The following FRMD4A variants were observed in gnomAD, a reference collection of about 807,000 sequenced individuals.
The protein encoded by FRMD4A is FERM domain-containing protein 4A.
Under a neutral mutation model 129.1 loss-of-function variants are expected in FRMD4A, and 29 were observed. The ratio of observed to expected loss-of-function variants is 0.22; its 90% confidence interval spans 0.17 to 0.31. FRMD4A has a LOEUF of 0.31. FRMD4A is among the 10% of genes least tolerant of loss of function. The pLI is 1.00. For synonymous variants in FRMD4A, 634 were observed against 571.6 expected (o/e 1.11, Z -1.56); for missense variants, 1,272 against 1,375.8 (o/e 0.92, Z 1.19).
At chr10:14,220,346 C>CTCAT (rs1249146666) in intron 2 of FRMD4A, among the ~76,000 whole-genome samples, 4 of 152,160 alleles carry the variant, frequency 2.6e-5, no homozygotes, top group Non-Finnish European at 5.9e-5. Flanking sequence ...ATTTGTCATG[C>CTCAT]TCATTCAAAG....
intron 8 of FRMD4A, among the ~76,000 whole-genome samples, chr10:13,759,234 C>G (rs1402549447): frequency 6.6e-6 from 1 of 152,232 alleles, no homozygotes; most frequent in Non-Finnish European, 1.5e-5. Flanking sequence ...GCTGCGCTTA[C>G]AAACAAACTG....
intron 2 of FRMD4A, among the ~76,000 whole-genome samples, chr10:13,995,735 A>C (rs2095620194): frequency 6.6e-6 from 1 of 152,130 alleles, no homozygotes; most frequent in African/African-American, 2.4e-5. Context: ...TCAGGAAGCC[A>C]AGTTGACCAG....
intron 12 of FRMD4A, among the ~76,000 whole-genome samples, chr10:13,717,692 G>GTTTTTTT (rs35059886): frequency 4.2e-5 from 4 of 95,244 alleles, no homozygotes; most frequent in Admixed American, 1.4e-4. Context: ...TGTTGTTCTT[G>GTTTTTTT]TTTTTTTTTT....
At chr10:14,020,372 T>C (rs534132577) in intron 2 of FRMD4A, among the ~76,000 whole-genome samples, 1 of 152,034 alleles carries the variant, frequency 6.6e-6, no homozygotes, top group South Asian at 2.1e-4. Context: ...AGAAAAGAAG[T>C]GTCAATATGG....
intron 2 of FRMD4A, among the ~76,000 whole-genome samples, chr10:13,885,259 G>C (rs541330600): frequency 1.3e-5 from 2 of 152,292 alleles, no homozygotes; most frequent in African/African-American, 4.8e-5. Context: ...AGAGTTAGGC[G>C]TTTCACAGAT....
At chr10:14,240,042 C>T (rs1843985343) in intron 2 of FRMD4A, among the ~76,000 whole-genome samples, 1 of 152,022 alleles carries the variant, frequency 6.6e-6, no homozygotes, top group Non-Finnish European at 1.5e-5. Context: ...CAGGATGCTC[C>T]GAATGCATGC....
At position 13,737,947 on chromosome 10, in the gene FRMD4A, A is replaced by T; in HGVS notation, c.673-17T>A. The T allele has an allele frequency of 2.7e-6, 4 of 1,464,972 alleles. No individual in the cohort carries two copies. The highest frequency in any genetic ancestry group is 2.3e-5 in the South Asian group (2 of 87,878). The allele number at this position is 1,464,972 out of a possible 1,614,324, so 90.7% of individuals were successfully genotyped here. A position where few individuals can be genotyped will look rare whatever the true frequency, so the allele number is the denominator to read the frequency against. On this transcript the variant is annotated splice_polypyrimidine_tract_variant and intron_variant, in intron 11 of 24. Coordinates refer to ENST00000357447, the MANE Select transcript of FRMD4A (RefSeq NM_018027.5). ...CTGCTTGTCCTAGGATATCAAAAAA[A>T]GTTTGGGTGAATATGGGACTGGAGG...
chr10:14,085,587 C>T (rs1836221839), intron 2 of FRMD4A, among the ~76,000 whole-genome samples: 1 of 152,178 alleles, frequency 6.6e-6, no homozygotes, highest in Non-Finnish European at 1.5e-5. Flanking sequence ...ACTCAAAGCC[C>T]ATGGGGATGC....
At chr10:13,721,622 C>T (rs934708019) in intron 12 of FRMD4A, among the ~76,000 whole-genome samples, 1 of 152,192 alleles carries the variant, frequency 6.6e-6, no homozygotes, top group Non-Finnish European at 1.5e-5. Context: ...CCACTAGGGC[C>T]GTCTTCTCAC....
intron 2 of FRMD4A, among the ~76,000 whole-genome samples, chr10:14,242,745 G>T (rs1844093469): frequency 6.6e-6 from 1 of 152,220 alleles, no homozygotes. Flanking sequence ...CTTTTCATGG[G>T]GAGGTCAGAC....
chr10:14,087,553 G>A (rs1385171872), intron 2 of FRMD4A: 1 of 152,076 alleles, frequency 6.6e-6, no homozygotes, highest in Admixed American at 6.6e-5. Flanking sequence ...CAGAGCCAGT[G>A]TGTGCGGCTG....
chr10:14,136,688 G>A (rs1839553413), intron 2 of FRMD4A, among the ~76,000 whole-genome samples: 1 of 149,934 alleles, frequency 6.7e-6, no homozygotes, highest in Non-Finnish European at 1.5e-5. Flanking sequence ...CCCGCTTCCA[G>A]TTGTCTCGCC....
intron 2 of FRMD4A, among the ~76,000 whole-genome samples, chr10:14,160,541 G>C (rs1840831394): frequency 6.6e-6 from 1 of 152,178 alleles, no homozygotes; most frequent in African/African-American, 2.4e-5. Flanking sequence ...CTATTCATCT[G>C]ACAAGGAACT....
intron 2 of FRMD4A, among the ~76,000 whole-genome samples, chr10:13,877,945 G>C (rs184419772): frequency 1.3e-3 from 192 of 152,218 alleles, no homozygotes; most frequent in African/African-American, 3.8e-3. Context: ...TGGAAAGAGC[G>C]AGGGAGAGGA....
intron 13 of FRMD4A, 116 bp from the exon 14 acceptor site, chr10:13,701,594 T>C (rs1246769383): frequency 2.3e-6 from 2 of 865,386 alleles, no homozygotes; most frequent in East Asian, 2.4e-5. Flanking sequence ...GTAAAGATGA[T>C]AGATGAGCTC....
chr10:14,144,670 A>T (rs1205630786), intron 2 of FRMD4A, among the ~76,000 whole-genome samples: 2 of 152,154 alleles, frequency 1.3e-5, no homozygotes, highest in East Asian at 3.9e-4. Flanking sequence ...CTGGGGTGCC[A>T]TCTGGGAGTT....
intron 2 of FRMD4A, among the ~76,000 whole-genome samples, chr10:13,998,273 G>T (rs1046070786): frequency 1.1e-4 from 17 of 152,170 alleles, no homozygotes; most frequent in African/African-American, 4.8e-5. Context: ...TAAAAGCCCT[G>T]CTTTGTAATG....
In FRMD4A at chr10:13,935,406, A is replaced by G. The variant is rs117930791; in HGVS notation, c.46-76494T>C. 9.6e-3 allele frequency among the ~76,000 whole-genome samples: 1,188 copies of G among 123,484 alleles called. 68 individuals are homozygous for G. The East Asian group carries it at 0.17, about 18-fold the overall frequency. 81.0% of individuals were successfully genotyped at this position (123,484 alleles called of 152,430 possible). A position where few individuals can be genotyped will look rare whatever the true frequency, so the allele number is the denominator to read the frequency against. ...TCAGCCAAGATCATGCTATTGCACT[A>G]TTGCACTCTAGCCTGTGTGACAAGA... is the stretch of plus-strand genomic sequence containing the variant. On this transcript the variant is annotated intron_variant, in intron 2 of 24. Transcript: ENST00000357447.
intron 2 of FRMD4A, among the ~76,000 whole-genome samples, chr10:14,086,241 A>T (rs1836267611): frequency 6.6e-6 from 1 of 152,210 alleles, no homozygotes; most frequent in Non-Finnish European, 1.5e-5. Flanking sequence ...TGAGGTTTCT[A>T]CCCTGGTAAT....
Sources: gnomAD v4.1 joint callset for allele counts (sites outside exome capture counted in the v4.1 genomes callset) on GRCh38, gnomAD v4.1.1 for gene constraint, MANE v1.5 for transcripts, NCBI Gene and HGNC (gene_info 2026-07-23, HGNC 2026-07-21) for gene names.